TASP1: variants seen among roughly 807,000 people sequenced by gnomAD.
TASP1 encodes threonine aspartase 1.
TASP1 carries 16 observed loss-of-function variants against 56.6 expected under a neutral mutation model. The ratio of observed to expected loss-of-function variants is 0.28; its 90% CI spans 0.19 to 0.43. The LOEUF (loss-of-function observed/expected upper bound fraction) is 0.43, where lower values mean the gene tolerates loss of function less well. Among genes scored for constraint, TASP1 ranks in the 20% least tolerant of loss-of-function variants. The pLI is 1.00. For synonymous variants in TASP1, 179 were observed against 184.2 expected (o/e 0.97, Z 0.23); for missense variants, 393 against 511.6 (o/e 0.77, Z 2.24).
In TASP1 at chr20:13,558,997, C is replaced by T. The variant is rs2046254686; in HGVS notation, c.675+11G>A. On this transcript the variant is annotated intron_variant, in intron 8 of 13. Transcript: ENST00000337743. ...GATACATTAATTTGAATATTTCAAA[C>T]ACCACCTGACCTTCTCACTTGATTG... 1.3e-6 allele frequency: 2 copies of T among 1,518,966 alleles called. No individual in the cohort carries two copies. The highest frequency in any genetic ancestry group is 4.0e-5 in the Admixed American group (2 of 50,548). The allele number at this position is 1,518,966 out of a possible 1,614,324, so 94.1% of individuals were successfully genotyped here. A position where few individuals can be genotyped will look rare whatever the true frequency, so the allele number is the denominator to read the frequency against.
intron 10 of TASP1, among the ~76,000 whole-genome samples, chr20:13,483,787 C>CA (rs2043225268): frequency 6.6e-6 from 1 of 152,098 alleles, no homozygotes. Context: ...GCAATGGCAA[C>CA]AAAAGCCAAA....
chr20:13,316,931 C>T, the TASP1 span, among the ~76,000 whole-genome samples: 1 of 151,512 alleles, frequency 6.6e-6, no homozygotes, highest in Non-Finnish European at 1.5e-5. Flanking sequence ...CAAGTCCTAT[C>T]TAATGCAATA....
intron 12 of TASP1, among the ~76,000 whole-genome samples, chr20:13,432,927 C>G (rs1042996439): frequency 6.6e-6 from 1 of 152,060 alleles, no homozygotes; most frequent in African/African-American, 2.4e-5. Context: ...AATGCCCCCC[C>G]CAACCCACCG....
At chr20:13,289,201 G>C in the TASP1 span, among the ~76,000 whole-genome samples, 62,683 of 151,966 alleles carry the variant, frequency 0.41, 14,051 homozygotes, top group African/African-American at 0.6. Flanking sequence ...ATGTCGCATT[G>C]TACTTATTTA....
chr20:13,458,183 A>G (rs1370262919), intron 11 of TASP1, among the ~76,000 whole-genome samples: 1 of 152,168 alleles, frequency 6.6e-6, no homozygotes, highest in Non-Finnish European at 1.5e-5. Context: ...AATCCGAAAT[A>G]TTTCAAAACC....
At chr20:13,153,263 C>T in the TASP1 span, among the ~76,000 whole-genome samples, 9 of 152,182 alleles carry the variant, frequency 5.9e-5, no homozygotes, top group Admixed American at 1.3e-4. Flanking sequence ...ATCTCACATG[C>T]GTGAACTCTG....
rs115518056 is a variant in TASP1 at position 13,497,302 on chromosome 20, G to A, written c.875-13965C>T. Among the ~76,000 whole-genome samples the A allele has an allele frequency of 1.3e-3, 198 of 152,244 alleles. 1 individual carries two copies. The highest frequency in any genetic ancestry group is 4.6e-3 in the African/African-American group (191 of 41,546). Reference sequence around the variant, plus strand: ...TGCAAGGCAGCAGCCACCAAGCAATGGGAAAAGTAAAAAAGAGCTGAAAGA... The same window carrying A: ...TGCAAGGCAGCAGCCACCAAGCAATAGGAAAAGTAAAAAAGAGCTGAAAGA... On this transcript the variant is annotated intron_variant, in intron 10 of 13. Transcript: ENST00000337743.
At chr20:13,634,557 C>T (rs953375750) in intron 1 of TASP1, among the ~76,000 whole-genome samples, 1 of 152,066 alleles carries the variant, frequency 6.6e-6, no homozygotes, top group African/African-American at 2.4e-5. Context: ...TGGCGAAATC[C>T]CGTCTCTACT....
the TASP1 span, among the ~76,000 whole-genome samples, chr20:13,329,546 C>T: frequency 1.3e-5 from 2 of 149,438 alleles, no homozygotes; most frequent in Admixed American, 1.3e-4. Context: ...TAGTAATATG[C>T]TTTTGTTTTT....
At chr20:13,120,496 A>G in the TASP1 span, among the ~76,000 whole-genome samples, 1 of 152,178 alleles carries the variant, frequency 6.6e-6, no homozygotes, top group Admixed American at 6.5e-5. Context: ...AATCTAGAAA[A>G]AAGAGATAAA....
At chr20:13,113,908 T>C in the TASP1 span, among the ~76,000 whole-genome samples, 1 of 152,230 alleles carries the variant, frequency 6.6e-6, no homozygotes, top group African/African-American at 2.4e-5. Flanking sequence ...TGTCTACTCC[T>C]TGCTAAACAT....
intron 4 of TASP1, among the ~76,000 whole-genome samples, chr20:13,610,617 T>C (rs545407303): frequency 1.3e-5 from 2 of 152,306 alleles, no homozygotes; most frequent in South Asian, 2.1e-4. Context: ...ACTGTTACCA[T>C]TGTGAATTAA....
the TASP1 span, among the ~76,000 whole-genome samples, chr20:13,207,881 A>G: frequency 6.6e-6 from 1 of 152,284 alleles, no homozygotes; most frequent in East Asian, 1.9e-4. Flanking sequence ...TAATATCGAT[A>G]TATCAGTTGG....
At chr20:13,258,585 T>TCC in the TASP1 span, among the ~76,000 whole-genome samples, 1 of 152,106 alleles carries the variant, frequency 6.6e-6, no homozygotes, top group Non-Finnish European at 1.5e-5. Context: ...GTTGAACATC[T>TCC]CCCCCTTCAT....
intron 13 of TASP1, among the ~76,000 whole-genome samples, chr20:13,404,269 GT>G (rs1220179713): frequency 6.6e-6 from 1 of 152,198 alleles, no homozygotes; most frequent in African/African-American, 2.4e-5. Context: ...ATTTAGCTTT[GT>G]GAGGGTTTAC....
the TASP1 span, chr20:13,164,429 C>T: frequency 1.2e-5 from 6 of 489,010 alleles, no homozygotes; most frequent in Admixed American, 4.7e-5. Context: ...CACAAGACTA[C>T]ATATAAGTCA....
intron 8 of TASP1, among the ~76,000 whole-genome samples, chr20:13,558,350 T>C (rs189222144): frequency 1.3e-5 from 2 of 152,264 alleles, no homozygotes; most frequent in Admixed American, 1.3e-4. Flanking sequence ...CTGAATACAA[T>C]ATGTATATTT....
chr20:13,517,490 G>A (rs548406474), intron 10 of TASP1, among the ~76,000 whole-genome samples: 6 of 151,922 alleles, frequency 3.9e-5, no homozygotes, highest in South Asian at 2.1e-4. Flanking sequence ...CAGTATTTCC[G>A]CTTTTGTTTA....
At chr20:13,414,096 C>G (rs575864447) in intron 13 of TASP1, among the ~76,000 whole-genome samples, 2 of 152,258 alleles carry the variant, frequency 1.3e-5, no homozygotes, top group Admixed American at 6.5e-5. Context: ...AGTCTAGGAC[C>G]AGTTACTGCA....
Sources: allele counts gnomAD v4.1 joint callset (sites outside exome capture counted in the v4.1 genomes callset), GRCh38; gene constraint gnomAD v4.1.1; transcripts MANE v1.5; gene names NCBI Gene and HGNC (gene_info 2026-07-23, HGNC 2026-07-21).